FLT4: variants seen among roughly 807,000 people sequenced by gnomAD.
FLT4 encodes fms related receptor tyrosine kinase 4, also known as vascular endothelial growth factor receptor 3.
FLT4 carries 30 observed loss-of-function variants against 163.2 expected under a neutral mutation model. The observed-to-expected ratio is 0.18, with a 90% CI of 0.14 to 0.25. FLT4 has a LOEUF of 0.25. Among genes scored for constraint, FLT4 ranks in the 10% least tolerant of loss-of-function variants. FLT4 has a pLI of 1.00. For synonymous variants in FLT4, 884 were observed against 789.5 expected (o/e 1.12, Z -2.01); for missense variants, 1,510 against 1,863.8 (o/e 0.81, Z 3.50).
chr5:180,605,833 G>A (rs1412569202), intron 29 of FLT4, among the ~76,000 whole-genome samples: 2 of 152,316 alleles, frequency 1.3e-5, no homozygotes, highest in South Asian at 2.1e-4. Context: ...ACAGATGCAG[G>A]TGAAAAGCCA....
At chr5:180,604,035 CTG>C (rs760386345) in intron 29 of FLT4, among the ~76,000 whole-genome samples, 4 of 152,040 alleles carry the variant, frequency 2.6e-5, no homozygotes, top group Non-Finnish European at 5.9e-5. Flanking sequence ...CAAGGAGGGA[CTG>C]GAGCCCTGTC....
In FLT4 at chr5:180,621,166, C is replaced by G; in HGVS notation, c.2107G>C (p.Gly703Arg). The G allele has an allele frequency of 1.9e-6, 3 of 1,612,828 alleles. No homozygotes were observed. Among genetic ancestry groups the G allele is most frequent in the Non-Finnish European group, 2.5e-6 (3 of 1,179,986 alleles). Residue 703 changes from glycine to arginine, a missense_variant, in exon 14 of 30, where the codon GGA (glycine) becomes CGA (arginine). Physicochemically the swap from Gly to Arg is moderately radical, Grantham distance 125. Transcript: ENST00000261937. ...DSLEMQCLVA[G>R]AHAPSIVWYK... ...CACACGATGCTGGGCGCGTGCGCTC[C>G]GGCCACCAAGCACTGCATCTCCAGC...
At chr5:180,616,309 G>A in intron 23 of FLT4, 58 bp downstream of exon 23, 1 of 1,610,812 alleles carries the variant, frequency 6.2e-7, no homozygotes, top group South Asian at 1.1e-5. Flanking sequence ...GCAGTCTGTG[G>A]TCCCACCCCT....
At chr5:180,643,800 G>T (rs1401792725) in intron 1 of FLT4, among the ~76,000 whole-genome samples, 1 of 151,428 alleles carries the variant, frequency 6.6e-6, no homozygotes, top group South Asian at 2.1e-4. Context: ...CTGTGGAGCG[G>T]CCGGCTCATT....
intron 2 of FLT4, 73 bp downstream of exon 2, chr5:180,631,609 G>T: frequency 8.1e-7 from 1 of 1,238,816 alleles, no homozygotes; most frequent in Non-Finnish European, 1.2e-6. Flanking sequence ...TGCCATCTGG[G>T]CCCACAGCCA....
At position 180,602,900 on chromosome 5, in the gene FLT4, A is replaced by G; in HGVS notation, c.*292T>C. The G allele has an allele frequency of 1.7e-6, 1 of 587,938 alleles. No individual in the cohort carries two copies. The highest frequency in any genetic ancestry group is 3.0e-6 in the Non-Finnish European group (1 of 330,060). 36.4% of individuals were successfully genotyped at this position (587,938 alleles called of 1,614,324 possible). ...GGTCGCCAAAGAGACATTCCCATGG[A>G]AGTGCTGGCCCCGGGACCAGCACCT... On this transcript the variant is annotated 3_prime_UTR_variant, in exon 30 of 30. Coordinates refer to ENST00000261937, the MANE Select transcript of FLT4 (RefSeq NM_182925.5).
chr5:180,647,723 G>C (rs796522854), intron 1 of FLT4, among the ~76,000 whole-genome samples: 12 of 152,170 alleles, frequency 7.9e-5, no homozygotes, highest in African/African-American at 2.9e-4. Context: ...GATGACCTCT[G>C]TCTTCATTGC....
rs866449278 is a variant in FLT4 at position 180,623,247 on chromosome 5, G to T, written c.1549-408C>A. Among the ~76,000 whole-genome samples the T allele has an allele frequency of 1.3e-5, 2 of 152,166 alleles. No individual in the cohort carries two copies. Among genetic ancestry groups the T allele is most frequent in the Non-Finnish European group, 2.9e-5 (2 of 68,044 alleles). On this transcript the variant is annotated intron_variant, in intron 11 of 29. Transcript: ENST00000261937. This position sits in a 1 kb window ranked among gnomAD's most constrained non-coding sequence, Gnocchi z 5.8. ...GGATGGGGTCAGGCCCAATCCAGTC[G>T]CTGCTTGCTGAGATCCTCGTGAGAT...
chr5:180,630,539 C>T lies in FLT4; in HGVS notation c.400+16G>A, dbSNP rs373889426. 7.0e-5 allele frequency: 113 copies of T among 1,612,554 alleles called. No homozygotes were observed. The South Asian group carries it at 7.2e-4, about 10-fold the overall frequency. ...CCCGGGACCCTGCTCCAGCCTGGCCCGCCTCCAAGTCTCACCTCTCACGAA... is the reference window on the plus strand; with the variant it reads ...CCCGGGACCCTGCTCCAGCCTGGCCTGCCTCCAAGTCTCACCTCTCACGAA... On this transcript the variant is annotated intron_variant, in intron 3 of 29. Coordinates refer to ENST00000261937, the MANE Select transcript of FLT4 (RefSeq NM_182925.5). This position sits in a 1 kb window ranked among gnomAD's most constrained non-coding sequence, Gnocchi z 6.3.
chr5:180,610,019 G>A lies in FLT4; in HGVS notation c.3693C>T (p.Tyr1231=). 6.2e-7 allele frequency: 1 copy of A among 1,614,176 alleles called. No individual in the cohort carries two copies. ...LQRHSLAARY[Y]NWVSFPGCLA... ...GGCACCCGGGAAAGGACACCCAGTT[G>A]TAATACCTGTGGGGAGAAATCAGAA... is the stretch of plus-strand genomic sequence containing the variant. Residue 1231 remains tyrosine, a synonymous_variant, in exon 28 of 30, where the codon TAC becomes TAT. Transcript: ENST00000261937.
chr5:180,634,428 C>A (rs953275195), intron 1 of FLT4, among the ~76,000 whole-genome samples: 1 of 152,094 alleles, frequency 6.6e-6, no homozygotes, highest in Admixed American at 6.5e-5. Flanking sequence ...ATGGGCCAGG[C>A]GTGGTGGCTC....
rs956252324 is a variant in FLT4, at chr5:180,602,928, G to C, written c.*264C>G. On this transcript the variant is annotated 3_prime_UTR_variant, in exon 30 of 30. Transcript: ENST00000261937. ...TGCTGGCCCCGGGACCAGCACCTGC[G>C]GATGCTGAACTAAATGACATCTGAA... is the stretch of plus-strand genomic sequence containing the variant. The C allele has an allele frequency of 5.6e-5, 33 of 592,358 alleles. No homozygotes were observed. In the African/African-American group the frequency reaches 6.0e-4, roughly 11 times the overall value. The allele number at this position is 592,358 out of a possible 1,614,324, so 36.7% of individuals were successfully genotyped here. A position where few individuals can be genotyped will look rare whatever the true frequency, so the allele number is the denominator to read the frequency against.
intron 1 of FLT4, among the ~76,000 whole-genome samples, chr5:180,646,012 G>A (rs1464073920): frequency 1.3e-5 from 2 of 152,116 alleles, no homozygotes; most frequent in Non-Finnish European, 2.9e-5. Flanking sequence ...CAGCAGGAGG[G>A]GAGTAAGCCA....
intron 10 of FLT4, among the ~76,000 whole-genome samples, chr5:180,624,757 T>C (rs1265965176): frequency 6.6e-6 from 1 of 152,180 alleles, no homozygotes; most frequent in Non-Finnish European, 1.5e-5. Context: ...CCTCTCCCTC[T>C]CTCCTGCTTT....
Position 180,629,846 on chromosome 5 carries a change from GCA to G in FLT4, c.677-13_677-12del, listed in dbSNP as rs768568882. On this transcript the variant is annotated splice_polypyrimidine_tract_variant and intron_variant, in intron 5 of 29. Coordinates refer to ENST00000261937, the MANE Select transcript of FLT4 (RefSeq NM_182925.5). ...CATAGAGCTCGTTGCCTGTTGACAC[GCA>G]CACAGTGACTCCCACGCCCTCACAG... The G allele has an allele frequency of 2.5e-6, 4 of 1,612,372 alleles. No homozygotes were observed. The highest frequency in any genetic ancestry group is 2.2e-5 in the South Asian group (2 of 90,984).
chr5:180,607,946 G>A (rs892023964), intron 29 of FLT4: 48 of 610,744 alleles, frequency 7.9e-5, no homozygotes, highest in Non-Finnish European at 1.2e-4. Context: ...TAACGCCAGT[G>A]TCTGGGAAGG....
At position 180,613,008 on chromosome 5, in the gene FLT4, C is replaced by T. The variant is rs1324639823; in HGVS notation, c.3431+3G>A. 3.1e-6 allele frequency: 5 copies of T among 1,609,656 alleles called. No homozygotes were observed. The African/African-American group carries it at 6.7e-5, about 22-fold the overall frequency. ...AAACCTGCAGGGCCATGGGGAGGCT[C>T]ACATGGCGGGAGTGGCCAGCTCCGG... On this transcript the variant is annotated splice_donor_region_variant and intron_variant, in intron 25 of 29. Coordinates refer to ENST00000261937, the MANE Select transcript of FLT4 (RefSeq NM_182925.5).
chr5:180,632,548 T>C (rs548545461), intron 1 of FLT4, among the ~76,000 whole-genome samples: 1 of 152,284 alleles, frequency 6.6e-6, no homozygotes, highest in East Asian at 1.9e-4. Context: ...CTGGGCCTTC[T>C]GTCCTGCAGG....
rs1377667967 is a variant in FLT4, at chr5:180,621,620, C to T, written c.1942G>A (p.Glu648Lys). 1.2e-6 allele frequency: 2 copies of T among 1,606,400 alleles called. No individual in the cohort carries two copies. The highest frequency in any genetic ancestry group is 1.7e-5 in the Admixed American group (1 of 59,762). The change falls in exon 13 of 30, where the codon GAG becomes AAG. Residue 648 changes from glutamate to lysine, a missense_variant. By Grantham distance (56) the Glu-to-Lys change is moderately conservative (BLOSUM62 1). Around this residue, in one of 5 missense-constraint regions of FLT4, gnomAD observed 878 missense variants for 1,016.7 expected, o/e 0.86. Transcript: ENST00000261937. ...TGCACTTCGCACACATAGTGGCCCTCGTGCTCGGGCGCGACGCGGGGGATA... is the reference window on the plus strand; with the variant it reads ...TGCACTTCGCACACATAGTGGCCCTTGTGCTCGGGCGCGACGCGGGGGATA... ...LSIPRVAPEH[E>K]GHYVCEVQDR...
Sources: gnomAD v4.1 joint callset for allele counts (sites outside exome capture counted in the v4.1 genomes callset) on GRCh38, gnomAD v4.1.1 for gene constraint, gnomAD v4.1.1 regional missense constraint, Gnocchi (gnomAD v3.1) non-coding constraint, MANE v1.5 for transcripts, NCBI Gene and HGNC (gene_info 2026-07-23, HGNC 2026-07-21) for gene names.